Variants in CNTN5 observed in about 807,000 individuals in gnomAD.
CNTN5 encodes the protein contactin 5, also known as contactin-5.
In CNTN5, 77 loss-of-function variants were observed where a neutral mutation model predicts 129.1. That is an observed-to-expected ratio of 0.60 (90% CI 0.50 to 0.72). The LOEUF (loss-of-function observed/expected upper bound fraction) is 0.72. CNTN5 is among the 30% of genes least tolerant of loss of function. The pLI is 0.00. For missense variants in CNTN5, 1,478 were observed against 1,328.8 expected, an observed-to-expected ratio of 1.11 and a Z score of -1.75; for synonymous variants, 509 against 465.6, an observed-to-expected ratio of 1.09 and a Z score of -1.20.
At chr11:99,793,324 G>T (rs896908421) in intron 3 of CNTN5, among the ~76,000 whole-genome samples, 3 of 152,162 alleles carry the variant, frequency 2.0e-5, no homozygotes, top group African/African-American at 7.2e-5. Context: ...CTCCCAAAGT[G>T]CTGGGATTAC....
At chr11:100,121,100 C>T (rs1028664457) in intron 13 of CNTN5, among the ~76,000 whole-genome samples, 2 of 151,774 alleles carry the variant, frequency 1.3e-5, no homozygotes, top group South Asian at 4.2e-4. Context: ...AGAATGAAGA[C>T]CCAACTCACT....
At chr11:99,698,395 A>C (rs1178326733) in intron 3 of CNTN5, among the ~76,000 whole-genome samples, 1 of 151,302 alleles carries the variant, frequency 6.6e-6, no homozygotes, top group African/African-American at 2.4e-5. Flanking sequence ...GAGATTTAAA[A>C]CCCTGGAATC....
intron 1 of CNTN5, among the ~76,000 whole-genome samples, chr11:99,072,223 C>T (rs1367983763): frequency 2.0e-5 from 3 of 151,816 alleles, no homozygotes; most frequent in African/African-American, 7.3e-5. Context: ...AGTTTATGCT[C>T]GTTTTCCAGA....
chr11:100,345,469 A>G (rs554685573), intron 23 of CNTN5, among the ~76,000 whole-genome samples: 3 of 152,248 alleles, frequency 2.0e-5, no homozygotes, highest in South Asian at 4.1e-4. Context: ...CCATAGCAGC[A>G]TAGATCTTAC....
chr11:99,133,452 C>A (rs1197340062), intron 1 of CNTN5, among the ~76,000 whole-genome samples: 3 of 151,846 alleles, frequency 2.0e-5, no homozygotes, highest in Non-Finnish European at 4.4e-5. Context: ...AAGAAACTAT[C>A]ATCAGGGCAA....
At chr11:99,139,333 A>G (rs1250978643) in intron 1 of CNTN5, among the ~76,000 whole-genome samples, 1 of 152,230 alleles carries the variant, frequency 6.6e-6, no homozygotes, top group African/African-American at 2.4e-5. Context: ...TGGCTTTGGC[A>G]GAGAAACTTG....
intron 1 of CNTN5, among the ~76,000 whole-genome samples, chr11:99,029,184 A>T (rs1226270433): frequency 1.3e-5 from 2 of 151,800 alleles, no homozygotes; most frequent in African/African-American, 4.8e-5. Context: ...ATTTTACTTC[A>T]ATTTTCATTC....
At chr11:100,041,432 C>G (rs1393797157) in intron 9 of CNTN5, among the ~76,000 whole-genome samples, 1 of 152,160 alleles carries the variant, frequency 6.6e-6, no homozygotes, top group African/African-American at 2.4e-5. Flanking sequence ...TAGTAAGTAC[C>G]TTATATATAA....
chr11:99,763,744 AAAG>A (rs1423063474), intron 3 of CNTN5, among the ~76,000 whole-genome samples: 4 of 152,204 alleles, frequency 2.6e-5, no homozygotes, highest in South Asian at 2.1e-4. Flanking sequence ...TCCTAAAGAA[AAAG>A]AAGATTTTTA....
At chr11:99,829,648 G>C (rs1947074760) in intron 4 of CNTN5, among the ~76,000 whole-genome samples, 1 of 152,140 alleles carries the variant, frequency 6.6e-6, no homozygotes, top group African/African-American at 2.4e-5. Flanking sequence ...TCTTGAAATT[G>C]TGTCAATGCA....
chr11:99,944,011 A>C (rs1003755190), intron 7 of CNTN5, among the ~76,000 whole-genome samples: 2 of 150,670 alleles, frequency 1.3e-5, no homozygotes, highest in African/African-American at 4.9e-5. Context: ...TGTCTTGGCT[A>C]TAGGGGCTCT....
chr11:99,698,964 A>G (rs1473225679), intron 3 of CNTN5, among the ~76,000 whole-genome samples: 1 of 150,950 alleles, frequency 6.6e-6, no homozygotes, highest in Non-Finnish European at 1.5e-5. Flanking sequence ...AGAGGGAGCT[A>G]CTCTTGTGAG....
At chr11:99,953,452 C>T (rs560846954) in intron 7 of CNTN5, among the ~76,000 whole-genome samples, 47 of 152,104 alleles carry the variant, frequency 3.1e-4, no homozygotes, top group Admixed American at 1.6e-3. Context: ...AATAAAGCAG[C>T]GAAAATTCCA....
intron 1 of CNTN5, among the ~76,000 whole-genome samples, chr11:99,070,771 T>C (rs1865310411): frequency 1.3e-5 from 2 of 151,992 alleles, no homozygotes; most frequent in South Asian, 4.1e-4. Context: ...TCAGATAATA[T>C]GTGTACTTCT....
At chr11:99,384,939 G>T (rs533758607) in intron 2 of CNTN5, among the ~76,000 whole-genome samples, 88 of 152,084 alleles carry the variant, frequency 5.8e-4, no homozygotes, top group Non-Finnish European at 9.7e-4. Context: ...TTATTAATAT[G>T]TTTGCCTTTT....
chr11:100,039,463 C>T lies in CNTN5; in HGVS notation c.981-21749C>T, dbSNP rs540117303. Among the ~76,000 whole-genome samples, 50 of 152,134 alleles carry T rather than the reference C, an allele frequency of 3.3e-4. No individual in the cohort carries two copies. The East Asian group carries it at 7.6e-3, about 23-fold the overall frequency. ...ATATGTGTCTTGGAGTTGCTCTTCT[C>T]GAGGAGTATCTTTATGGCATTCTCT... On this transcript the variant is annotated intron_variant, in intron 9 of 24. Coordinates refer to ENST00000524871, the MANE Select transcript of CNTN5 (RefSeq NM_014361.4).
chr11:99,099,517 A>T (rs11218385), intron 1 of CNTN5, among the ~76,000 whole-genome samples: 4,659 of 150,694 alleles, frequency 0.031, 242 homozygotes, highest in African/African-American at 0.1. Context: ...TCACCCCAGG[A>T]ACGTCTTTAC....
At chr11:100,341,579 G>A (rs1952164074) in intron 23 of CNTN5, among the ~76,000 whole-genome samples, 1 of 152,114 alleles carries the variant, frequency 6.6e-6, no homozygotes, top group Admixed American at 6.6e-5. Flanking sequence ...TTAGTGGAAA[G>A]TCTTTCTATT....
intron 2 of CNTN5, among the ~76,000 whole-genome samples, chr11:99,501,783 G>A (rs1946436553): frequency 6.6e-6 from 1 of 152,130 alleles, no homozygotes. Flanking sequence ...TTTTCTCTCT[G>A]ACTGTTTGAC....
Sources: allele counts gnomAD v4.1 joint callset (sites outside exome capture counted in the v4.1 genomes callset), GRCh38; gene constraint gnomAD v4.1.1; transcripts MANE v1.5; gene names NCBI Gene and HGNC (gene_info 2026-07-23, HGNC 2026-07-21).